Variants in TNS2 observed in about 807,000 individuals in gnomAD.
The protein encoded by TNS2 is tensin-2.
Under a neutral mutation model 155.7 loss-of-function variants are expected in TNS2, and 77 were observed. The observed-to-expected ratio is 0.49, with a 90% CI of 0.41 to 0.60. TNS2 has a LOEUF of 0.60. Ranked by LOEUF, TNS2 falls within the 20% of genes least tolerant of loss-of-function variation. The pLI is 0.00. For missense variants in TNS2, 1,703 were observed against 1,868.8 expected, an observed-to-expected ratio of 0.91 and a Z score of 1.64; for synonymous variants, 726 against 763.9, an observed-to-expected ratio of 0.95 and a Z score of 0.82.
At chr12:53,047,572 AG>A, upstream of TNS2, among the ~76,000 whole-genome samples, 1 of 149,616 alleles carries the variant, frequency 6.7e-6, no homozygotes, top group Non-Finnish European at 1.5e-5. Context: ...GACAGTGACT[AG>A]GGGGCGGGGC....
Position 53,063,272 on chromosome 12 carries a change from C to T in TNS2, c.3992+15C>T, listed in dbSNP as rs1944441381. On this transcript the variant is annotated intron_variant, in intron 26 of 28. Transcript: ENST00000314250. This position sits in a 1 kb window ranked among gnomAD's most constrained non-coding sequence, Gnocchi z 5.6. ...AACCAAAGGAAGTATGTATACTCAG[C>T]CCTGTAGAACCCCATGCTTAAGGCC... is the stretch of plus-strand genomic sequence containing the variant. 6.2e-7 allele frequency: 1 copy of T among 1,613,570 alleles called. No individual in the cohort carries two copies. Among genetic ancestry groups the T allele is most frequent in the African/African-American group, 1.3e-5 (1 of 74,912 alleles).
At chr12:53,054,583 C>T in intron 7 of TNS2, 142 bp downstream of exon 7, 1 of 1,166,238 alleles carries the variant, frequency 8.6e-7, no homozygotes, top group African/African-American at 1.6e-5. Flanking sequence ...GGGCCCGGAG[C>T]GCGGCCTGGA....
At chr12:53,054,571 C>G (rs1592245600) in intron 7 of TNS2, 130 bp downstream of exon 7, 6 of 865,874 alleles carry the variant, frequency 6.9e-6, no homozygotes, top group South Asian at 2.4e-5. Flanking sequence ...GGGGTGGGGG[C>G]GGGGCCCGGA....
In TNS2 at chr12:53,053,913, T is replaced by C. The variant is rs1944033377; in HGVS notation, c.301-52T>C. ...GGGCATGGCTCTGGAGTGGGCAGTCTAGAGTAGGGGGTACCCAAAGAGATG... is the reference window on the plus strand; with the variant it reads ...GGGCATGGCTCTGGAGTGGGCAGTCCAGAGTAGGGGGTACCCAAAGAGATG... On this transcript the variant is annotated intron_variant, in intron 5 of 28. Coordinates refer to ENST00000314250, the MANE Select transcript of TNS2 (RefSeq NM_170754.4). 5 of 1,613,912 alleles carry C rather than the reference T, an allele frequency of 3.1e-6. No individual in the cohort carries two copies. The Admixed American group carries it at 6.7e-5, about 22-fold the overall frequency.
intron 7 of TNS2, 126 bp from the exon 8 acceptor site, chr12:53,055,060 A>G: frequency 9.5e-7 from 1 of 1,057,724 alleles, no homozygotes; most frequent in Non-Finnish European, 1.4e-6. Context: ...CTGGGGTTAT[A>G]GGCGTGAGTT....
At chr12:53,047,670 C>T (rs924145137), upstream of TNS2, among the ~76,000 whole-genome samples, 27 of 151,974 alleles carry the variant, frequency 1.8e-4, no homozygotes, top group African/African-American at 6.5e-4. Flanking sequence ...CACGCAGGCC[C>T]GGGACCCGGC....
intron 6 of TNS2, 102 bp downstream of exon 6, chr12:53,054,116 C>A: frequency 6.3e-7 from 1 of 1,578,022 alleles, no homozygotes. Context: ...GGGACAGCCC[C>A]CCACCCCCAA....
Position 53,059,581 on chromosome 12 carries a change from T to A in TNS2, c.1940T>A (p.Leu647Gln), listed in dbSNP as rs774645636. ...SMEKRRLCRS[L>Q]SEGLYPYPPE... is the part of the protein sequence containing the mutation. ...GAGAAGAGGCGCCTCTGCCGATCGC[T>A]GTCAGAGGGGCTATACCCCTACCCA... Residue 647 changes from leucine (L) to glutamine (Q), a missense_variant, in exon 18 of 29, where the codon CTG becomes CAG. Physicochemically the swap from Leu to Gln is moderately radical, Grantham distance 113 (BLOSUM62 -2). Transcript: ENST00000314250. This position sits in a 1 kb window ranked among gnomAD's most constrained non-coding sequence, Gnocchi z 4.7. 3.7e-6 allele frequency: 6 copies of A among 1,604,902 alleles called. No homozygotes were observed. Among genetic ancestry groups the A allele is most frequent in the Non-Finnish European group, 1.7e-6 (2 of 1,176,054 alleles).
chr12:53,061,098 C>T lies in TNS2; in HGVS notation c.3192C>T (p.Asp1064=), dbSNP rs775128045. 1 of 1,611,358 alleles carries T rather than the reference C, an allele frequency of 6.2e-7. No homozygotes were observed. The highest frequency in any genetic ancestry group is 8.5e-7 in the Non-Finnish European group (1 of 1,178,766). Residue 1064 remains aspartate (D), a synonymous_variant, in exon 20 of 29, where the codon GAC becomes GAT. Transcript: ENST00000314250. ...TPAFPLAASY[D]TNGLSQPPLP... is the part of the protein sequence containing the mutation. ...CTTTCCCCCTGGCTGCCTCCTATGA[C>T]ACCAATGGCCTTAGCCAGCCCCCAC...
chr12:53,057,422 G>A, intron 11 of TNS2, 145 bp from the exon 12 acceptor site: 2 of 733,306 alleles, frequency 2.7e-6, no homozygotes, highest in South Asian at 3.4e-5. Flanking sequence ...GAGGTTAGAT[G>A]CAAGGAAGAA....
In TNS2 at chr12:53,055,572, A is replaced by C; in HGVS notation, c.578A>C (p.Gln193Pro). ...HDLTRLNPKV[Q>P]DFGWPELHAP... ...GCACCCCTGCATTCTCCCCAGGTTC[A>C]AGACTTCGGCTGGCCTGAGCTGCAT... Residue 193 changes from glutamine (Q) to proline (P), a missense_variant, in exon 9 of 29, where the codon CAA becomes CCA. Gln to Pro is a moderately conservative substitution (Grantham distance 76). Transcript: ENST00000314250. 6.2e-7 allele frequency: 1 copy of C among 1,602,844 alleles called. No homozygotes were observed. Among genetic ancestry groups the C allele is most frequent in the Non-Finnish European group, 8.5e-7 (1 of 1,171,834 alleles).
Position 53,058,426 on chromosome 12 carries a change from G to C in TNS2, c.1206G>C (p.Gln402His). ...CACAGCTCACTTTCCCCAAGGACCA[G>C]CTTGACGAGGCCTGGACTGGTGAGT... is the stretch of plus-strand genomic sequence containing the variant. The part of the protein sequence containing the change: ...HGPQLTFPKD[Q>H]LDEAWTDERF... Residue 402 changes from glutamine (Q) to histidine (H), a missense_variant, in exon 15 of 29, where the codon CAG (glutamine) becomes CAC (histidine). Coordinates refer to ENST00000314250, the MANE Select transcript of TNS2 (RefSeq NM_170754.4). The C allele has an allele frequency of 6.2e-7, 1 of 1,614,178 alleles. No homozygotes were observed. The highest frequency in any genetic ancestry group is 8.5e-7 in the Non-Finnish European group (1 of 1,180,018).
rs1032757589 is a variant in TNS2 at position 53,053,219 on chromosome 12, T to C, written c.223-192T>C. The C allele has an allele frequency of 8.2e-6, 4 of 490,346 alleles. No homozygotes were observed. In the African/African-American group the frequency reaches 1.9e-4, roughly 23 times the overall value. 30.4% of individuals were successfully genotyped at this position (490,346 alleles called of 1,614,324 possible). ...GGGGCTGAGCGCCAAGAGCAACAAG[T>C]GGGGGGCCTGGGGGGTGGGGGACCA... is the stretch of plus-strand genomic sequence containing the variant. On this transcript the variant is annotated intron_variant, in intron 3 of 28. Transcript: ENST00000314250.
rs750478437 is a variant in TNS2, at chr12:53,063,923, C to G, written c.*41C>G. 6.2e-6 allele frequency: 10 copies of G among 1,602,154 alleles called. No homozygotes were observed. The highest frequency in any genetic ancestry group is 1.7e-5 in the Admixed American group (1 of 59,510). On this transcript the variant is annotated 3_prime_UTR_variant, in exon 29 of 29. Coordinates refer to ENST00000314250, the MANE Select transcript of TNS2 (RefSeq NM_170754.4). This position sits in a 1 kb window ranked among gnomAD's most constrained non-coding sequence, Gnocchi z 5.6. ...TCAGAGCCCACATCAACACTGCCCC[C>G]CTCCCAGCACCCCACAGCCCTCACA...
In TNS2 at chr12:53,064,311, A is replaced by T. The variant is rs1048379750; in HGVS notation, c.*429A>T. On this transcript the variant is annotated 3_prime_UTR_variant, in exon 29 of 29. Transcript: ENST00000314250. ...GAGCAGAGATTCAGAGTAGGATCAC[A>T]TGAATAGGGGAAAAAAGAGAGTCTA... is the stretch of plus-strand genomic sequence containing the variant. 2 of 170,616 alleles carry T rather than the reference A, an allele frequency of 1.2e-5. No homozygotes were observed. The allele number at this position is 170,616 out of a possible 1,614,324, so 10.6% of individuals were successfully genotyped here.
At chr12:53,053,503 C>CAG in intron 4 of TNS2, 54 bp downstream of exon 4, 1 of 1,609,474 alleles carries the variant, frequency 6.2e-7, no homozygotes, top group Non-Finnish European at 8.5e-7. Flanking sequence ...CCATGGTGTC[C>CAG]AGAGGTCTGG....
rs1208710727 is a variant in TNS2 at position 53,062,685 on chromosome 12, C to T, written c.3811C>T (p.Arg1271Cys). ...CATGAGCACAGCGGCAGACCTCCTG[C>T]GTCAGGGTGCTGGTAGAGACTTCCC... ...TNMSTAADLL[R>C]QGAACSVLYL... Residue 1271 changes from arginine to cysteine, a missense_variant, in exon 25 of 29, where the codon CGT (arginine) becomes TGT (cysteine). By Grantham distance (180) the Arg-to-Cys change is radical. Transcript: ENST00000314250. 3.7e-6 allele frequency: 6 copies of T among 1,613,788 alleles called. No individual in the cohort carries two copies. The highest frequency in any genetic ancestry group is 2.2e-5 in the East Asian group (1 of 44,864).
Position 53,052,491 on chromosome 12 carries a change from A to G in TNS2, c.221A>G (p.Lys74Arg). Residue 74 changes from lysine to arginine, a missense_variant and splice_region_variant, in exon 3 of 29, where the codon AAG (lysine) becomes AGG (arginine). Physicochemically the swap from Lys to Arg is conservative, Grantham distance 26. Coordinates refer to ENST00000314250, the MANE Select transcript of TNS2 (RefSeq NM_170754.4). ...GCGACGCACAGAAAATGTGAAGCAA[A>G]GGTGGGTATCTGATTCTACCTGATA... is the stretch of plus-strand genomic sequence containing the variant. ...KVATHRKCEA[K>R]VTSACQALPP... is the part of the protein sequence containing the mutation. The G allele has an allele frequency of 6.2e-7, 1 of 1,613,862 alleles. No individual in the cohort carries two copies. Among genetic ancestry groups the G allele is most frequent in the Non-Finnish European group, 8.5e-7 (1 of 1,179,854 alleles).
rs1177222655 is a variant in TNS2 at position 53,050,120 on chromosome 12, G to T, written c.-66G>T. The T allele has an allele frequency of 3.8e-6, 6 of 1,576,248 alleles. No homozygotes were observed. Among genetic ancestry groups the T allele is most frequent in the African/African-American group, 1.4e-5 (1 of 73,954 alleles). On this transcript the variant is annotated 5_prime_UTR_variant, in exon 1 of 29. Transcript: ENST00000314250. This position sits in a 1 kb window ranked among gnomAD's most constrained non-coding sequence, Gnocchi z 4.7. Reference sequence around the variant, plus strand: ...GCTGCCTCCGCCAGGCCGCTTCCAGGAAGCCCCGGGCCAGGCCCCAGCATT... The same window carrying T: ...GCTGCCTCCGCCAGGCCGCTTCCAGTAAGCCCCGGGCCAGGCCCCAGCATT...
Sources: gnomAD v4.1 joint callset for allele counts (sites outside exome capture counted in the v4.1 genomes callset) on GRCh38, gnomAD v4.1.1 for gene constraint, Gnocchi (gnomAD v3.1) non-coding constraint, MANE v1.5 for transcripts, NCBI Gene and HGNC (gene_info 2026-07-23, HGNC 2026-07-21) for gene names.